GPC6: variants seen among roughly 807,000 people sequenced by gnomAD.
The protein encoded by GPC6 is glypican 6.
In GPC6, 14 loss-of-function variants were observed where a neutral mutation model predicts 55.2. That is an observed-to-expected ratio of 0.25 (90% CI 0.17 to 0.40). The LOEUF (loss-of-function observed/expected upper bound fraction) is 0.40. GPC6 is among the 10% of genes least tolerant of loss of function. The probability of loss-of-function intolerance (pLI) is 1.00; values close to 1 mark genes in which losing one functional copy is unlikely to be tolerated. For missense variants in GPC6, 641 were observed against 708.5 expected (o/e 0.90, Z 1.08); for synonymous variants, 278 against 259.6 (o/e 1.07, Z -0.68).
At chr13:93,973,503 A>G (rs1052340242) in intron 3 of GPC6, among the ~76,000 whole-genome samples, 4 of 148,962 alleles carry the variant, frequency 2.7e-5, no homozygotes, top group Non-Finnish European at 4.4e-5. Flanking sequence ...TAATTAAGCC[A>G]AAAAAAGGCA....
intron 3 of GPC6, among the ~76,000 whole-genome samples, chr13:94,027,045 T>C (rs115624211): frequency 2.0e-5 from 3 of 152,164 alleles, no homozygotes; most frequent in Admixed American, 6.5e-5. Flanking sequence ...AAAGCCCTTA[T>C]TGGTTTAGAA....
chr13:93,736,771 G>T (rs1884018216), intron 2 of GPC6, among the ~76,000 whole-genome samples: 1 of 152,120 alleles, frequency 6.6e-6, no homozygotes, highest in Non-Finnish European at 1.5e-5. Flanking sequence ...TAAGAATTTT[G>T]AATGTGTCTT....
intron 2 of GPC6, among the ~76,000 whole-genome samples, chr13:93,780,558 T>C (rs1242151672): frequency 6.6e-6 from 1 of 150,948 alleles, no homozygotes; most frequent in African/African-American, 2.4e-5. Flanking sequence ...TTCATTAAAT[T>C]AACCTTAATG....
chr13:93,466,770 A>G (rs1878918651), intron 1 of GPC6, among the ~76,000 whole-genome samples: 1 of 152,196 alleles, frequency 6.6e-6, no homozygotes, highest in South Asian at 2.1e-4. Flanking sequence ...TGGAGGCTCA[A>G]AGCTATGCTT....
At chr13:93,300,985 C>T (rs1436067297) in intron 1 of GPC6, among the ~76,000 whole-genome samples, 1 of 152,028 alleles carries the variant, frequency 6.6e-6, no homozygotes, top group Admixed American at 6.5e-5. Flanking sequence ...TGCCATTGCA[C>T]TCCGGCCTTG....
chr13:93,681,746 T>G (rs1881852827), intron 2 of GPC6, among the ~76,000 whole-genome samples: 1 of 152,328 alleles, frequency 6.6e-6, no homozygotes, highest in African/African-American at 2.4e-5. Flanking sequence ...ATGAGCTGAC[T>G]TATTGGAAAT....
chr13:93,796,269 T>G (rs1162196268), intron 2 of GPC6, among the ~76,000 whole-genome samples: 1 of 152,190 alleles, frequency 6.6e-6, no homozygotes, highest in South Asian at 2.1e-4. Context: ...GTAATTGGAT[T>G]TTTTCATTTA....
chr13:93,674,096 C>T (rs776956426), intron 2 of GPC6, among the ~76,000 whole-genome samples: 28 of 151,982 alleles, frequency 1.8e-4, no homozygotes, highest in Non-Finnish European at 3.2e-4. Context: ...GAGATAACCA[C>T]GTAAATGGTG....
chr13:93,904,610 T>A (rs1254452097), intron 3 of GPC6, among the ~76,000 whole-genome samples: 1 of 152,102 alleles, frequency 6.6e-6, no homozygotes, highest in African/African-American at 2.4e-5. Flanking sequence ...TGTTGATGCA[T>A]GCCTATTGTC....
At chr13:94,291,683 G>A (rs1874987149) in intron 5 of GPC6, among the ~76,000 whole-genome samples, 1 of 151,168 alleles carries the variant, frequency 6.6e-6, no homozygotes. Flanking sequence ...TAAGAACTGG[G>A]TGATTGAATT....
intron 1 of GPC6, among the ~76,000 whole-genome samples, chr13:93,454,693 C>T (rs12868817): frequency 0.22 from 32,783 of 152,218 alleles, 3,662 homozygotes; most frequent in Middle Eastern, 0.29. Flanking sequence ...TCTCCAAGGC[C>T]CCACCAGACT....
intron 2 of GPC6, among the ~76,000 whole-genome samples, chr13:93,631,389 C>G (rs1879423372): frequency 6.6e-6 from 1 of 152,182 alleles, no homozygotes; most frequent in African/African-American, 2.4e-5. Context: ...CAGCAGTCTA[C>G]ATGTCAAGGA....
chr13:93,719,084 A>G (rs987328041), intron 2 of GPC6, among the ~76,000 whole-genome samples: 15 of 152,054 alleles, frequency 9.9e-5, no homozygotes, highest in African/African-American at 3.6e-4. Context: ...TTGGTTCCAT[A>G]TAAAATTTAA....
intron 4 of GPC6, among the ~76,000 whole-genome samples, chr13:94,112,295 A>G (rs1200212895): frequency 1.3e-5 from 2 of 152,168 alleles, no homozygotes; most frequent in Non-Finnish European, 2.9e-5. Flanking sequence ...ACAAAAATAT[A>G]TTGTTATTTC....
intron 1 of GPC6, among the ~76,000 whole-genome samples, chr13:93,299,807 A>G (rs950035532): frequency 2.0e-5 from 3 of 152,230 alleles, no homozygotes; most frequent in Admixed American, 2.0e-4. Context: ...ACTAGTATCA[A>G]CTAGAGGAGA....
intron 1 of GPC6, among the ~76,000 whole-genome samples, chr13:93,274,042 G>A (rs1425905181): frequency 2.6e-5 from 4 of 151,868 alleles, no homozygotes; most frequent in African/African-American, 7.3e-5. Flanking sequence ...TCCTGACCTC[G>A]TGATCCACCC....
chr13:94,029,614 T>C (rs1883037202), intron 4 of GPC6, among the ~76,000 whole-genome samples: 1 of 152,190 alleles, frequency 6.6e-6, no homozygotes, highest in Admixed American at 6.5e-5. Context: ...TCCATATTTT[T>C]AGTTGAAATG....
chr13:93,442,483 T>TAC, intron 1 of GPC6, among the ~76,000 whole-genome samples: 1 of 152,190 alleles, frequency 6.6e-6, no homozygotes, highest in Admixed American at 6.5e-5. Flanking sequence ...ATATACAATT[T>TAC]TATATCATCC....
chr13:94,153,664 T>C (rs1887824856), intron 4 of GPC6, among the ~76,000 whole-genome samples: 1 of 152,142 alleles, frequency 6.6e-6, no homozygotes, highest in Admixed American at 6.5e-5. Flanking sequence ...CACAAAAAGG[T>C]ATAGTATGTA....
Sources: allele counts gnomAD v4.1 joint callset (sites outside exome capture counted in the v4.1 genomes callset), GRCh38; gene constraint gnomAD v4.1.1; transcripts MANE v1.5; gene names NCBI Gene and HGNC (gene_info 2026-07-23, HGNC 2026-07-21).